The following ZNF516 variants were observed in gnomAD, a reference collection of about 807,000 sequenced individuals.
The protein encoded by ZNF516 is zinc finger protein 516.
In ZNF516, 19 loss-of-function variants were observed where a neutral mutation model predicts 79.7. The observed-to-expected ratio is 0.24, with a 90% CI of 0.17 to 0.35. ZNF516 has a LOEUF of 0.35. Among genes scored for constraint, ZNF516 ranks in the 10% least tolerant of loss-of-function variants. The pLI, the probability that ZNF516 is intolerant of heterozygous loss-of-function variation, is 1.00. For synonymous variants in ZNF516, 877 were observed against 739.5 expected, an observed-to-expected ratio of 1.19 and a Z score of -3.02; for missense variants, 1,678 against 1,679.5, an observed-to-expected ratio of 1.00 and a Z score of 0.02.
At chr18:76,370,633 G>T in intron 5 of ZNF516, 38 bp from the exon 6 acceptor site, 1 of 1,536,100 alleles carries the variant, frequency 6.5e-7, no homozygotes, top group Non-Finnish European at 8.8e-7. Context: ...ATCAGCGTGT[G>T]AGCTTCCGGA....
intron 6 of ZNF516, among the ~76,000 whole-genome samples, chr18:76,368,957 T>G (rs1454977063): frequency 3.9e-5 from 6 of 152,202 alleles, no homozygotes; most frequent in African/African-American, 1.4e-4. Context: ...TGTTCCTAGA[T>G]CCACCTGGCC....
chr18:76,487,920 A>C, intron 1 of ZNF516: 6 of 984,362 alleles, frequency 6.1e-6, no homozygotes, highest in Non-Finnish European at 7.2e-6. Context: ...AGCCCCCAGG[A>C]GGGGAGGGAG....
chr18:76,455,335 C>T (rs1326447736), intron 2 of ZNF516, among the ~76,000 whole-genome samples: 3 of 152,228 alleles, frequency 2.0e-5, no homozygotes, highest in Non-Finnish European at 4.4e-5. Flanking sequence ...TTTCCTGCAA[C>T]TTCTCTCCTA....
At chr18:76,397,931 G>T (rs1387645037) in intron 3 of ZNF516, among the ~76,000 whole-genome samples, 2 of 152,156 alleles carry the variant, frequency 1.3e-5, no homozygotes, top group East Asian at 3.9e-4. Flanking sequence ...AACAAAAACA[G>T]TCCCAAATTA....
At chr18:76,374,700 GA>G (rs2074759170) in intron 4 of ZNF516, among the ~76,000 whole-genome samples, 1 of 152,164 alleles carries the variant, frequency 6.6e-6, no homozygotes, top group Non-Finnish European at 1.5e-5. Flanking sequence ...CCTATTCTCT[GA>G]GACCATTCTC....
intron 3 of ZNF516, among the ~76,000 whole-genome samples, chr18:76,396,691 A>C (rs1454746276): frequency 6.6e-6 from 1 of 152,164 alleles, no homozygotes; most frequent in Non-Finnish European, 1.5e-5. Context: ...AACTACATAG[A>C]CATCTGGGGG....
chr18:76,488,114 A>G, intron 1 of ZNF516: 4 of 985,072 alleles, frequency 4.1e-6, no homozygotes, highest in Non-Finnish European at 4.8e-6. Context: ...ACACGGGGAG[A>G]TGTATTCCAA....
At chr18:76,429,213 G>A (rs1028863469) in intron 3 of ZNF516, among the ~76,000 whole-genome samples, 1 of 152,214 alleles carries the variant, frequency 6.6e-6, no homozygotes, top group Non-Finnish European at 1.5e-5. Context: ...AGATGCAGAT[G>A]GCACCCAGGG....
chr18:76,425,458 C>A (rs2075580793), intron 3 of ZNF516, among the ~76,000 whole-genome samples: 1 of 152,204 alleles, frequency 6.6e-6, no homozygotes, highest in Admixed American at 6.5e-5. Flanking sequence ...ACCAAAGGAA[C>A]CACATCACAG....
intron 3 of ZNF516, among the ~76,000 whole-genome samples, chr18:76,430,285 C>G (rs1021342970): frequency 3.9e-5 from 6 of 152,142 alleles, no homozygotes; most frequent in African/African-American, 1.4e-4. Flanking sequence ...CCTATCATGT[C>G]CTAGTCTAAT....
chr18:76,446,169 A>C (rs1300992860), intron 2 of ZNF516, among the ~76,000 whole-genome samples: 1 of 152,162 alleles, frequency 6.6e-6, no homozygotes, highest in African/African-American at 2.4e-5. Flanking sequence ...CAGAGAAACA[A>C]TAAGAAGAAG....
In ZNF516 at chr18:76,370,525, T is replaced by C. The variant is rs1332840308; in HGVS notation, c.3432+3A>G. 1 of 1,604,462 alleles carries C rather than the reference T, an allele frequency of 6.2e-7. No homozygotes were observed. Among genetic ancestry groups the C allele is most frequent in the African/African-American group, 1.3e-5 (1 of 74,658 alleles). On this transcript the variant is annotated splice_donor_region_variant and intron_variant, in intron 6 of 6. Coordinates refer to ENST00000443185, the MANE Select transcript of ZNF516 (RefSeq NM_014643.4). ...CAGACATCCAATTCATCATGAGACC[T>C]ACTTGTTTGGGGGCGTCTGCGGAGG...
intron 3 of ZNF516, among the ~76,000 whole-genome samples, chr18:76,428,392 CA>C (rs10552608): frequency 0.6 from 82,027 of 135,586 alleles, 24,564 homozygotes; most frequent in African/African-American, 0.73. Flanking sequence ...GATTCTGTCT[CA>C]AAAAAAAAAA....
intron 3 of ZNF516, among the ~76,000 whole-genome samples, chr18:76,415,835 T>A (rs1192809826): frequency 6.6e-6 from 1 of 152,224 alleles, no homozygotes; most frequent in African/African-American, 2.4e-5. Context: ...GAGGCATAAA[T>A]GAGGCCCTGG....
intron 1 of ZNF516, among the ~76,000 whole-genome samples, chr18:76,476,623 A>G (rs867838757): frequency 6.6e-6 from 1 of 152,238 alleles, no homozygotes; most frequent in African/African-American, 2.4e-5. Flanking sequence ...GGTCAAATGA[A>G]TATGAAAGAA....
upstream of ZNF516, chr18:76,495,628 G>C (rs895257550): frequency 5.5e-5 from 41 of 744,360 alleles, no homozygotes; most frequent in Non-Finnish European, 7.1e-5. Context: ...CCCTCGTCAA[G>C]GTCTAAGGCT....
intron 1 of ZNF516, among the ~76,000 whole-genome samples, chr18:76,466,748 G>C (rs1913497612): frequency 6.6e-6 from 1 of 152,208 alleles, no homozygotes; most frequent in Non-Finnish European, 1.5e-5. Flanking sequence ...GAAAAGTAGA[G>C]AAGGGACCCT....
At chr18:76,437,067 AACACACACACAC>A (rs370573337) in intron 3 of ZNF516, among the ~76,000 whole-genome samples, 67 of 135,890 alleles carry the variant, frequency 4.9e-4, no homozygotes, top group Middle Eastern at 3.3e-3. Context: ...ACCTGTCTAA[AACACACACACAC>A]ACACACACAC....
intron 1 of ZNF516, among the ~76,000 whole-genome samples, chr18:76,470,834 GAAACCC>G (rs1338228626): frequency 3.3e-5 from 5 of 152,126 alleles, no homozygotes; most frequent in African/African-American, 1.2e-4. Flanking sequence ...CTAACACAGG[GAAACCC>G]CGTCTCTACT....
Sources: allele counts gnomAD v4.1 joint callset (sites outside exome capture counted in the v4.1 genomes callset), GRCh38; gene constraint gnomAD v4.1.1; transcripts MANE v1.5; gene names NCBI Gene and HGNC (gene_info 2026-07-23, HGNC 2026-07-21).